FANCM: variants seen among roughly 807,000 people sequenced by gnomAD.
The protein encoded by FANCM is FA complementation group M.
In FANCM, 140 loss-of-function variants were observed where a neutral mutation model predicts 199.5. The ratio of observed to expected loss-of-function variants is 0.70; its 90% confidence interval spans 0.61 to 0.81. The LOEUF is 0.81. Ranked by LOEUF, FANCM falls within the 30% of genes least tolerant of loss-of-function variation. FANCM has a pLI of 0.00. For synonymous variants in FANCM, 840 were observed against 836.8 expected, an observed-to-expected ratio of 1.00 and a Z score of -0.07; for missense variants, 2,410 against 2,421.4, an observed-to-expected ratio of 1.00 and a Z score of 0.10.
chr14:45,188,949 A>T lies in FANCM; in HGVS notation c.4927A>T (p.Thr1643Ser). ...CTTTGCAAATAGTAAAAAGTATAAA[A>T]CTCGACGTGCAGTAATGCTAAAAGA... ...DCFANSKKYK[T>S]RRAVMLKEMM... Residue 1643 changes from threonine to serine, a missense_variant, in exon 20 of 23, where the codon ACT becomes TCT. By Grantham distance (58) the Thr-to-Ser change is moderately conservative. Transcript: ENST00000267430. The T allele has an allele frequency of 6.2e-7, 1 of 1,614,012 alleles. No individual in the cohort carries two copies. Among genetic ancestry groups the T allele is most frequent in the Non-Finnish European group, 8.5e-7 (1 of 1,179,978 alleles).
At position 45,185,230 on chromosome 14, in the gene FANCM, A is replaced by G; in HGVS notation, c.4529A>G (p.Lys1510Arg). ...RQSHLKHVARKFLDDEAELSE... is the reference protein window; with the variant it reads ...RQSHLKHVARRFLDDEAELSE... The stretch of plus-strand genomic sequence containing the variant: ...TGTCTTACTTAGCATGTAGCTAGGA[A>G]GTTTTTAGATGATGAAGCAGAACTT... Residue 1510 changes from lysine to arginine, a missense_variant, in exon 18 of 23, where the codon AAG becomes AGG. Coordinates refer to ENST00000267430, the MANE Select transcript of FANCM (RefSeq NM_020937.4). The G allele has an allele frequency of 3.8e-6, 6 of 1,598,102 alleles. No individual in the cohort carries two copies. The highest frequency in any genetic ancestry group is 5.1e-6 in the Non-Finnish European group (6 of 1,167,126).
At chr14:45,167,277 A>T in intron 11 of FANCM, 114 bp downstream of exon 11, 1 of 712,900 alleles carries the variant, frequency 1.4e-6, no homozygotes, top group Non-Finnish European at 2.5e-6. Flanking sequence ...TAATTAATAT[A>T]TTATAGGCAT....
At chr14:45,183,716 A>G in intron 16 of FANCM, 58 bp from the exon 17 acceptor site, 1 of 1,266,918 alleles carries the variant, frequency 7.9e-7, no homozygotes, top group Middle Eastern at 1.9e-4. Flanking sequence ...GAGCAATTTT[A>G]CTTGTCTAGG....
At chr14:45,139,096 C>T (rs1024655277) in intron 2 of FANCM, among the ~76,000 whole-genome samples, 4 of 152,174 alleles carry the variant, frequency 2.6e-5, no homozygotes, top group African/African-American at 7.2e-5. Flanking sequence ...TTTTTGTCTT[C>T]CTTACTGCAC....
chr14:45,194,832 G>A lies in FANCM; in HGVS notation c.5341-1340G>A, dbSNP rs1251232516. On this transcript the variant is annotated intron_variant, in intron 20 of 22. Coordinates refer to ENST00000267430, the MANE Select transcript of FANCM (RefSeq NM_020937.4). ...TGTGCCTTTTTTTTTTTTTTTTTGA[G>A]GCAGAGCCTCGCTCCGTAGCCCAGG... Among the ~76,000 whole-genome samples the A allele has an allele frequency of 7.6e-5, 11 of 145,064 alleles. 1 individual carries two copies. The Admixed American group carries it at 7.7e-4, about 10-fold the overall frequency.
At chr14:45,143,315 T>C in intron 3 of FANCM, among the ~76,000 whole-genome samples, 1 of 151,990 alleles carries the variant, frequency 6.6e-6, no homozygotes, top group Non-Finnish European at 1.5e-5. Flanking sequence ...TACAGGTGCC[T>C]GCCACCACAC....
At chr14:45,174,549 G>A (rs1888541468) in intron 13 of FANCM, among the ~76,000 whole-genome samples, 1 of 152,050 alleles carries the variant, frequency 6.6e-6, no homozygotes, top group East Asian at 1.9e-4. Flanking sequence ...TTCACTATAC[G>A]AATCCTTGAT....
At chr14:45,148,325 T>G (rs995577569) in intron 3 of FANCM, among the ~76,000 whole-genome samples, 4 of 152,094 alleles carry the variant, frequency 2.6e-5, no homozygotes, top group Non-Finnish European at 5.9e-5. Context: ...CATAGTCTCC[T>G]GCTACAGAAT....
rs536131447 is a variant in FANCM at position 45,171,423 on chromosome 14, T to C, written c.2160+677T>C. 9.9e-5 allele frequency among the ~76,000 whole-genome samples: 15 copies of C among 152,176 alleles called. No homozygotes were observed. The East Asian group carries it at 2.3e-3, about 24-fold the overall frequency. On this transcript the variant is annotated intron_variant, in intron 12 of 22. Transcript: ENST00000267430. ...ATTTCTGAGATTTTGGTGCACATCA[T>C]CCGAGCAGTGTACACTGCACCCAAT...
At chr14:45,199,142 G>A (rs1033970135) in intron 22 of FANCM, among the ~76,000 whole-genome samples, 3 of 152,208 alleles carry the variant, frequency 2.0e-5, no homozygotes, top group Non-Finnish European at 4.4e-5. Flanking sequence ...AAAAATAGGT[G>A]TAGGGATTTC....
At chr14:45,140,082 A>G (rs916535611) in intron 2 of FANCM, among the ~76,000 whole-genome samples, 3 of 152,260 alleles carry the variant, frequency 2.0e-5, no homozygotes, top group African/African-American at 7.2e-5. Flanking sequence ...ATTGCTATTT[A>G]AAATTCTGTG....
At chr14:45,147,363 A>AAT (rs1886477567) in intron 3 of FANCM, among the ~76,000 whole-genome samples, 6 of 150,050 alleles carry the variant, frequency 4.0e-5, no homozygotes, top group African/African-American at 1.5e-4. Context: ...AGGCTGGAAT[A>AAT]CAGTCGCAAC....
chr14:45,192,798 C>T (rs1420964462), intron 20 of FANCM, among the ~76,000 whole-genome samples: 1 of 151,694 alleles, frequency 6.6e-6, no homozygotes, highest in Non-Finnish European at 1.5e-5. Context: ...CACTGCACTT[C>T]AGCCTGGGCA....
rs754308697 is a variant in FANCM, at chr14:45,151,509, A to T, written c.1031A>T (p.Asn344Ile). 6.2e-7 allele frequency: 1 copy of T among 1,612,782 alleles called. No homozygotes were observed. Among genetic ancestry groups the T allele is most frequent in the Non-Finnish European group, 8.5e-7 (1 of 1,178,940 alleles). ...CTGGCAAGAGATCAGTTTAGGAAAA[A>T]CCCATCTCCGAATATTGTGGTAGGT... ...IILARDQFRK[N>I]PSPNIVGIQQ... Residue 344 changes from asparagine (N) to isoleucine (I), a missense_variant, in exon 5 of 23, where the codon AAC becomes ATC. Coordinates refer to ENST00000267430, the MANE Select transcript of FANCM (RefSeq NM_020937.4).
chr14:45,171,594 A>C (rs1202332795), intron 12 of FANCM, among the ~76,000 whole-genome samples: 1 of 151,882 alleles, frequency 6.6e-6, no homozygotes, highest in Non-Finnish European at 1.5e-5. Context: ...TTCCATTCCT[A>C]AGTTACTTCA....
intron 4 of FANCM, 123 bp from the exon 5 acceptor site, chr14:45,151,274 A>C: frequency 1.3e-6 from 1 of 774,464 alleles, no homozygotes; most frequent in South Asian, 1.7e-5. Flanking sequence ...GAGTTTACTT[A>C]AACATTCATT....
intron 20 of FANCM, 144 bp downstream of exon 20, chr14:45,189,506 A>C (rs2139299256): frequency 1.5e-6 from 1 of 656,090 alleles, no homozygotes; most frequent in Non-Finnish European, 2.6e-6. Context: ...TCAAACAAGA[A>C]AACAATACAC....
intron 5 of FANCM, among the ~76,000 whole-genome samples, chr14:45,152,449 A>C (rs750499538): frequency 4.7e-4 from 71 of 152,166 alleles, no homozygotes; most frequent in Non-Finnish European, 9.0e-4. Flanking sequence ...ATTTATTCTT[A>C]CTCTCAATAC....
At chr14:45,148,235 A>ACACACACACACAC (rs1886566599) in intron 3 of FANCM, among the ~76,000 whole-genome samples, 1 of 150,678 alleles carries the variant, frequency 6.6e-6, no homozygotes, top group African/African-American at 2.5e-5. Context: ...ACACACACAC[A>ACACACACACACAC]AAACAACTTT....
Sources: allele counts gnomAD v4.1 joint callset (sites outside exome capture counted in the v4.1 genomes callset), GRCh38; gene constraint gnomAD v4.1.1; transcripts MANE v1.5; gene names NCBI Gene and HGNC (gene_info 2026-07-23, HGNC 2026-07-21).